Variants in UBE2S observed in about 807,000 individuals in gnomAD.
UBE2S encodes ubiquitin-conjugating enzyme E2 S.
A neutral mutation model predicts 12.3 loss-of-function variants in UBE2S; 3 were observed. That is an observed-to-expected ratio of 0.24 (90% CI 0.11 to 0.63). The LOEUF (loss-of-function observed/expected upper bound fraction) is 0.63, where lower values mean the gene tolerates loss of function less well. Among genes scored for constraint, UBE2S ranks in the 30% least tolerant of loss-of-function variants. The pLI, the probability that UBE2S is intolerant of heterozygous loss-of-function variation, is 0.85. For missense variants in UBE2S, 211 were observed against 313.9 expected (o/e 0.67, Z 2.48); for synonymous variants, 133 against 142.0 (o/e 0.94, Z 0.45).
Position 55,405,445 on chromosome 19 carries a change from G to C in UBE2S, c.152-967C>G, listed in dbSNP as rs146911770. Among the ~76,000 whole-genome samples, 309 of 152,156 alleles carry C rather than the reference G, an allele frequency of 2.0e-3. 1 individual carries two copies. Among genetic ancestry groups the C allele is most frequent in the African/African-American group, 7.2e-3 (298 of 41,520 alleles). ...AACTGCTTGAACCCAGGAGGCAGAG[G>C]TTGCAGTGAGCAGAGATTGTGCTAT... On this transcript the variant is annotated intron_variant, in intron 2 of 3. Coordinates refer to ENST00000264552, the MANE Select transcript of UBE2S (RefSeq NM_014501.3).
chr19:55,400,989 T>G lies in UBE2S; in HGVS notation c.*447A>C. ...CACCACTGCCACACCAACGTGGCCA[T>G]TATTCTAGAGGGAGAAGTATAGGGC... On this transcript the variant is annotated 3_prime_UTR_variant, in exon 4 of 4. Coordinates refer to ENST00000264552, the MANE Select transcript of UBE2S (RefSeq NM_014501.3). 1 of 165,804 alleles carries G rather than the reference T, an allele frequency of 6.0e-6. No individual in the cohort carries two copies. Among genetic ancestry groups the G allele is most frequent in the Non-Finnish European group, 1.3e-5 (1 of 75,690 alleles). 10.3% of individuals were successfully genotyped at this position (165,804 alleles called of 1,614,324 possible).
intron 2 of UBE2S, among the ~76,000 whole-genome samples, 168 bp downstream of exon 2, chr19:55,406,647 G>A (rs946661269): frequency 1.3e-5 from 2 of 152,298 alleles, no homozygotes; most frequent in South Asian, 4.1e-4. Flanking sequence ...AACCCTTGTG[G>A]GAAAAGAGTA....
In UBE2S at chr19:55,401,609, C is replaced by T. The variant is rs765896389; in HGVS notation, c.496G>A (p.Glu166Lys). 122 of 1,605,814 alleles carry T rather than the reference C, an allele frequency of 7.6e-5. No homozygotes were observed. The highest frequency in any genetic ancestry group is 6.1e-4 in the Middle Eastern group (3 of 4,884). The change falls in exon 4 of 4, where the codon GAA becomes AAA. Residue 166 changes from glutamate (E) to lysine (K), a missense_variant. By Grantham distance (56) the Glu-to-Lys change is moderately conservative. Around this residue, in one of 2 missense-constraint regions of UBE2S, gnomAD observed 84 missense variants for 89.9 expected, o/e 0.93. Coordinates refer to ENST00000264552, the MANE Select transcript of UBE2S (RefSeq NM_014501.3). ...GGAGGPSGRA[E>K]AGRALASGTE... is the part of the protein sequence containing the mutation. ...CCACTGGCCAGGGCCCGACCGGCTT[C>T]GGCCCTGCCGCTGGGCCCGCCGGCG...
rs762051776 is a variant in UBE2S, at chr19:55,401,545, C to G, written c.560G>C (p.Gly187Ala). The G allele has an allele frequency of 6.2e-7, 1 of 1,610,310 alleles. No individual in the cohort carries two copies. The highest frequency in any genetic ancestry group is 8.5e-7 in the Non-Finnish European group (1 of 1,179,638). ...ASSTDPGAPG[G>A]PGGAEGPMAK... The stretch of plus-strand genomic sequence containing the variant: ...CATGGGACCCTCAGCCCCTCCCGGG[C>G]CCCCTGGGGCCCCAGGGTCGGTGGA... The change falls in exon 4 of 4, where the codon GGC (glycine) becomes GCC (alanine). Residue 187 changes from glycine to alanine, a missense_variant. Transcript: ENST00000264552.
At position 55,404,529 on chromosome 19, in the gene UBE2S, ACCT is replaced by A. The variant is rs747172806; in HGVS notation, c.152-54_152-52del. 3 of 1,498,140 alleles carry A rather than the reference ACCT, an allele frequency of 2.0e-6. No individual in the cohort carries two copies. In the East Asian group the frequency reaches 7.0e-5, roughly 35 times the overall value. The allele number at this position is 1,498,140 out of a possible 1,614,324, so 92.8% of individuals were successfully genotyped here. ...TCAGGGCACTCAGGAGTCCCAAGGCACCTCAACACCCCAAAGTCCAGTCTCCAC... is the reference window on the plus strand; with the variant it reads ...TCAGGGCACTCAGGAGTCCCAAGGCACAACACCCCAAAGTCCAGTCTCCAC... On this transcript the variant is annotated intron_variant, in intron 2 of 3. Coordinates refer to ENST00000264552, the MANE Select transcript of UBE2S (RefSeq NM_014501.3). The surrounding 1 kb of genome is among the most constrained non-coding windows in gnomAD (Gnocchi z 4.4).
intron 3 of UBE2S, among the ~76,000 whole-genome samples, chr19:55,402,267 T>C (rs867305292): frequency 2.0e-5 from 3 of 152,220 alleles, no homozygotes; most frequent in African/African-American, 7.2e-5. Context: ...GCTCCCCATC[T>C]TTCCAGATAC....
At chr19:55,402,424 C>T (rs760942829) in intron 3 of UBE2S, among the ~76,000 whole-genome samples, 2 of 152,200 alleles carry the variant, frequency 1.3e-5, no homozygotes, top group African/African-American at 2.4e-5. Context: ...TTCCTCTCAA[C>T]CCCCTTCACA....
intron 2 of UBE2S, 35 bp downstream of exon 2, chr19:55,406,780 G>T: frequency 6.3e-7 from 1 of 1,593,214 alleles, no homozygotes; most frequent in Non-Finnish European, 8.6e-7. Flanking sequence ...GAGGATCTAA[G>T]CAGCAGCCCC....
In UBE2S at chr19:55,399,752, A is replaced by T. The variant is rs959579140; in HGVS notation, c.*1684T>A. Reference sequence around the variant, plus strand: ...GAGGAACTCTGTCAGGGCTAAGGGCAAATATTATTTTTATTATGCACTTCG... The same window carrying T: ...GAGGAACTCTGTCAGGGCTAAGGGCTAATATTATTTTTATTATGCACTTCG... On this transcript the variant is annotated 3_prime_UTR_variant, in exon 4 of 4. Coordinates refer to ENST00000264552, the MANE Select transcript of UBE2S (RefSeq NM_014501.3). 2 of 152,212 alleles carry T rather than the reference A, an allele frequency of 1.3e-5. No homozygotes were observed. The highest frequency in any genetic ancestry group is 4.8e-5 in the African/African-American group (2 of 41,442). The allele number at this position is 152,212 out of a possible 1,614,324, so 9.4% of individuals were successfully genotyped here. A position where few individuals can be genotyped will look rare whatever the true frequency, so the allele number is the denominator to read the frequency against.
intron 2 of UBE2S, among the ~76,000 whole-genome samples, chr19:55,405,579 G>C (rs1440673116): frequency 6.6e-6 from 1 of 151,626 alleles, no homozygotes; most frequent in Non-Finnish European, 1.5e-5. Context: ...CAAAACCTCA[G>C]AGATGATGCC....
Position 55,404,319 on chromosome 19 carries a change from G to T in UBE2S, c.311C>A (p.Thr104Lys). The T allele has an allele frequency of 6.2e-7, 1 of 1,613,442 alleles. No homozygotes were observed. Among genetic ancestry groups the T allele is most frequent in the African/African-American group, 1.3e-5 (1 of 75,028 alleles). ...ICVNVLKRDW[T>K]AELGIRHVLL... Reference sequence around the variant, plus strand: ...TACGTGTCGGATGCCCAGCTCAGCCGTCCAGTCCCTCTTGAGCACGTTGAC... The same window carrying T: ...TACGTGTCGGATGCCCAGCTCAGCCTTCCAGTCCCTCTTGAGCACGTTGAC... Residue 104 changes from threonine to lysine, a missense_variant, in exon 3 of 4, where the codon ACG becomes AAG. Physicochemically the swap from Thr to Lys is moderately conservative, Grantham distance 78. This residue lies in a region of UBE2S where 127 missense variants were observed against 224.0 expected (regional missense o/e 0.57). Coordinates refer to ENST00000264552, the MANE Select transcript of UBE2S (RefSeq NM_014501.3). This position sits in a 1 kb window ranked among gnomAD's most constrained non-coding sequence, Gnocchi z 4.4.
At chr19:55,407,480 C>A (rs570075310) in intron 1 of UBE2S, 107 bp downstream of exon 1, 2 of 1,258,972 alleles carry the variant, frequency 1.6e-6, no homozygotes, top group Middle Eastern at 1.9e-4. Context: ...GACCCCCAGG[C>A]TGGCCCTCAA....
intron 3 of UBE2S, chr19:55,402,947 C>A (rs1051601585): frequency 2.6e-6 from 4 of 1,520,790 alleles, no homozygotes; most frequent in Non-Finnish European, 3.5e-6. Context: ...TTTCAGCTTG[C>A]GGGAAGGGTT....
At chr19:55,407,381 G>T (rs1463035114) in intron 1 of UBE2S, among the ~76,000 whole-genome samples, 2 of 152,138 alleles carry the variant, frequency 1.3e-5, no homozygotes, top group Non-Finnish European at 2.9e-5. Flanking sequence ...GCCGCAAAGC[G>T]CCCGGAGCCC....
rs113965331 is a variant in UBE2S at position 55,407,195 on chromosome 19, ACC to A, written c.4-235_4-234del. ...TGCAGATAACTCCACCCACCCCAGAACCCCCCCCCCAAAGCCCGCTCCTAACC... is the reference window on the plus strand; with the variant it reads ...TGCAGATAACTCCACCCACCCCAGAACCCCCCCCAAAGCCCGCTCCTAACC... On this transcript the variant is annotated intron_variant, in intron 1 of 3. Transcript: ENST00000264552. 1.5e-3 allele frequency among the ~76,000 whole-genome samples: 172 copies of A among 115,412 alleles called. 1 individual carries two copies. Among genetic ancestry groups the A allele is most frequent in the Non-Finnish European group, 2.4e-3 (138 of 56,694 alleles). 75.7% of individuals were successfully genotyped at this position (115,412 alleles called of 152,430 possible).
chr19:55,404,157 TG>T lies in UBE2S; in HGVS notation c.342+130del. 8.2e-7 allele frequency: 1 copy of T among 1,215,074 alleles called. No individual in the cohort carries two copies. The highest frequency in any genetic ancestry group is 1.2e-6 in the Non-Finnish European group (1 of 866,154). 75.3% of individuals were successfully genotyped at this position (1,215,074 alleles called of 1,614,324 possible). A position where few individuals can be genotyped will look rare whatever the true frequency, so the allele number is the denominator to read the frequency against. ...TGTCTTTCCAGGAAAGCTAGCAACA[TG>T]GATTTTTATGTGGAAACCTTCAACC... On this transcript the variant is annotated intron_variant, in intron 3 of 3. Coordinates refer to ENST00000264552, the MANE Select transcript of UBE2S (RefSeq NM_014501.3). The surrounding 1 kb of genome is among the most constrained non-coding windows in gnomAD (Gnocchi z 4.4).
intron 3 of UBE2S, among the ~76,000 whole-genome samples, chr19:55,402,688 T>C (rs2090069264): frequency 1.3e-5 from 2 of 152,336 alleles, no homozygotes; most frequent in South Asian, 2.1e-4. Flanking sequence ...CTCTTCTTGC[T>C]GGCTGAGCCC....
rs1215069589 is a variant in UBE2S, at chr19:55,401,435, A to T, written c.*1T>A. On this transcript the variant is annotated 3_prime_UTR_variant, in exon 4 of 4. Coordinates refer to ENST00000264552, the MANE Select transcript of UBE2S (RefSeq NM_014501.3). ...CACGGTGGAAGGAGGAAGAGAGCCCACTACAGCCGCCGCAGCGCCCGCTTC... is the reference window on the plus strand; with the variant it reads ...CACGGTGGAAGGAGGAAGAGAGCCCTCTACAGCCGCCGCAGCGCCCGCTTC... 6.3e-7 allele frequency: 1 copy of T among 1,598,196 alleles called. No individual in the cohort carries two copies. The highest frequency in any genetic ancestry group is 8.5e-7 in the Non-Finnish European group (1 of 1,175,926).
At chr19:55,406,251 C>T (rs1214800199) in intron 2 of UBE2S, among the ~76,000 whole-genome samples, 1 of 152,214 alleles carries the variant, frequency 6.6e-6, no homozygotes, top group African/African-American at 2.4e-5. Flanking sequence ...CCATCACCAC[C>T]GTGGACTAGA....
Sources: gnomAD v4.1 joint callset for allele counts (sites outside exome capture counted in the v4.1 genomes callset) on GRCh38, gnomAD v4.1.1 for gene constraint, gnomAD v4.1.1 regional missense constraint, Gnocchi (gnomAD v3.1) non-coding constraint, MANE v1.5 for transcripts, NCBI Gene and HGNC (gene_info 2026-07-23, HGNC 2026-07-21) for gene names.